TBC1D5: variants seen among roughly 807,000 people sequenced by gnomAD.
The protein encoded by TBC1D5 is TBC1 domain family member 5, also known as TBC1 domain family, member 5.
In TBC1D5, 75 loss-of-function variants were observed where a neutral mutation model predicts 100.3. That is an observed-to-expected ratio of 0.75 (90% CI 0.62 to 0.91). The LOEUF is 0.91. TBC1D5 is among the 40% of genes least tolerant of loss of function. The probability of loss-of-function intolerance (pLI) is 0.00; values close to 1 mark genes in which losing one functional copy is unlikely to be tolerated. For missense variants in TBC1D5, 910 were observed against 942.4 expected (o/e 0.97, Z 0.45); for synonymous variants, 323 against 325.6 (o/e 0.99, Z 0.09).
At chr3:17,199,467 T>G (rs1346464420) in intron 18 of TBC1D5, among the ~76,000 whole-genome samples, 1 of 152,238 alleles carries the variant, frequency 6.6e-6, no homozygotes, top group Non-Finnish European at 1.5e-5. Context: ...ATGGAATATT[T>G]TCACATCATG....
At chr3:17,524,055 C>T (rs183419914) in intron 2 of TBC1D5, among the ~76,000 whole-genome samples, 6 of 152,254 alleles carry the variant, frequency 3.9e-5, no homozygotes, top group Admixed American at 3.9e-4. Flanking sequence ...AAGCAGGTAT[C>T]ATTTCCTTTT....
At chr3:17,255,940 G>A (rs1437505903) in intron 16 of TBC1D5, among the ~76,000 whole-genome samples, 3 of 152,186 alleles carry the variant, frequency 2.0e-5, no homozygotes, top group Non-Finnish European at 4.4e-5. Flanking sequence ...GGAGGCTGAG[G>A]CAGGAGAATG....
intron 2 of TBC1D5, among the ~76,000 whole-genome samples, chr3:17,555,334 T>A (rs961584045): frequency 2.0e-5 from 3 of 152,178 alleles, no homozygotes; most frequent in African/African-American, 7.2e-5. Context: ...ATAGCTTGAT[T>A]TTATACGTTT....
At chr3:17,312,210 T>G (rs1176227366) in intron 13 of TBC1D5, among the ~76,000 whole-genome samples, 2 of 152,084 alleles carry the variant, frequency 1.3e-5, no homozygotes, top group African/African-American at 2.4e-5. Context: ...CATTCTCATA[T>G]TTAATTTGAA....
At chr3:17,410,710 A>G (rs2093901247) in intron 4 of TBC1D5, among the ~76,000 whole-genome samples, 1 of 152,112 alleles carries the variant, frequency 6.6e-6, no homozygotes, top group African/African-American at 2.4e-5. Flanking sequence ...TAGATGGGGA[A>G]AAATAACAAG....
intron 2 of TBC1D5, among the ~76,000 whole-genome samples, chr3:17,570,660 C>T (rs2096621477): frequency 6.6e-6 from 1 of 151,850 alleles, no homozygotes. Context: ...TCTACCTTTT[C>T]AGTATTTTAT....
chr3:17,629,307 T>C (rs1376249689), intron 1 of TBC1D5, among the ~76,000 whole-genome samples: 2 of 152,208 alleles, frequency 1.3e-5, no homozygotes, highest in Non-Finnish European at 1.5e-5. Context: ...TTGTCTTTGA[T>C]TAATGTAGTA....
At chr3:17,427,356 T>C (rs1302026732) in intron 4 of TBC1D5, among the ~76,000 whole-genome samples, 1 of 151,918 alleles carries the variant, frequency 6.6e-6, no homozygotes, top group Non-Finnish European at 1.5e-5. Context: ...CATAAACAAA[T>C]TGTAAAAACT....
At chr3:17,221,267 T>C (rs949581896) in intron 17 of TBC1D5, among the ~76,000 whole-genome samples, 1 of 151,950 alleles carries the variant, frequency 6.6e-6, no homozygotes, top group Non-Finnish European at 1.5e-5. Context: ...AACCTAATCC[T>C]GTGAGTTCTT....
intron 1 of TBC1D5, among the ~76,000 whole-genome samples, chr3:17,684,816 A>G (rs1183298524): frequency 6.6e-6 from 1 of 152,052 alleles, no homozygotes; most frequent in Non-Finnish European, 1.5e-5. Flanking sequence ...TTTTCCCAAT[A>G]CAAATATAAG....
At chr3:17,501,237 C>T (rs2153223299) in intron 3 of TBC1D5, among the ~76,000 whole-genome samples, 1 of 149,116 alleles carries the variant, frequency 6.7e-6, no homozygotes, top group East Asian at 1.9e-4. Flanking sequence ...AAGCCCTATC[C>T]AAATCATTAT....
intron 2 of TBC1D5, among the ~76,000 whole-genome samples, chr3:17,619,249 C>G (rs191337299): frequency 2.6e-5 from 4 of 152,132 alleles, no homozygotes; most frequent in Non-Finnish European, 5.9e-5. Flanking sequence ...AAGCTTTTTA[C>G]GGAGTTAGAC....
intron 1 of TBC1D5, among the ~76,000 whole-genome samples, chr3:17,702,751 C>T (rs908114088): frequency 2.6e-5 from 4 of 152,100 alleles, no homozygotes; most frequent in African/African-American, 9.6e-5. Context: ...GCTTATTGAG[C>T]CTTAATAAGA....
chr3:17,336,844 G>T (rs958788136), intron 13 of TBC1D5, among the ~76,000 whole-genome samples: 7 of 152,094 alleles, frequency 4.6e-5, no homozygotes, highest in African/African-American at 1.7e-4. Context: ...TCACAAGAAA[G>T]AAATTTGGTA....
At chr3:17,178,127 G>A (rs955514311) in intron 19 of TBC1D5, among the ~76,000 whole-genome samples, 38 of 149,602 alleles carry the variant, frequency 2.5e-4, no homozygotes, top group South Asian at 8.5e-4. Context: ...GTGCAGTGGC[G>A]CGATCTCGGC....
chr3:17,263,366 C>CAAAA (rs71049192), intron 15 of TBC1D5, among the ~76,000 whole-genome samples: 3 of 80,976 alleles, frequency 3.7e-5, no homozygotes, highest in Non-Finnish European at 4.8e-5. Flanking sequence ...ACCCTGTCTC[C>CAAAA]AAAAAAAAAA....
At chr3:17,442,439 T>A (rs549013314) in intron 3 of TBC1D5, among the ~76,000 whole-genome samples, 5 of 152,202 alleles carry the variant, frequency 3.3e-5, no homozygotes, top group Non-Finnish European at 5.9e-5. Context: ...ATTTCTCTCA[T>A]CACTTTGCCA....
At chr3:17,382,132 A>G (rs968449572) in intron 9 of TBC1D5, among the ~76,000 whole-genome samples, 4 of 152,094 alleles carry the variant, frequency 2.6e-5, no homozygotes, top group African/African-American at 9.7e-5. Flanking sequence ...TGATGATGAT[A>G]ATAAAAACAA....
At position 17,221,843 on chromosome 3, in the gene TBC1D5, T is replaced by C. The variant is rs1219223387; in HGVS notation, c.1589-7473A>G. On this transcript the variant is annotated intron_variant, in intron 17 of 21. Coordinates refer to ENST00000253692, the Ensembl canonical transcript of TBC1D5. ...TAGAGAAATGTTAAATAAATTTGTA[T>C]TGTTTACATCACTAAGTTTGTGATA... Among the ~76,000 whole-genome samples the C allele has an allele frequency of 3.3e-5, 5 of 152,284 alleles. No individual in the cohort carries two copies. In the East Asian group the frequency reaches 5.8e-4, roughly 18 times the overall value.
Sources: gnomAD v4.1 joint callset for allele counts (sites outside exome capture counted in the v4.1 genomes callset) on GRCh38, gnomAD v4.1.1 for gene constraint, MANE v1.5 for transcripts, NCBI Gene and HGNC (gene_info 2026-07-23, HGNC 2026-07-21) for gene names.